CACNA1D: variants seen among roughly 807,000 people sequenced by gnomAD.
CACNA1D encodes the protein voltage-dependent L-type calcium channel subunit alpha-1D.
CACNA1D carries 55 observed loss-of-function variants against 257.1 expected under a neutral mutation model. The observed-to-expected ratio is 0.21, with a 90% CI of 0.17 to 0.27. The LOEUF is 0.27. Among genes scored for constraint, CACNA1D ranks in the 10% least tolerant of loss-of-function variants. The pLI is 1.00. For synonymous variants in CACNA1D, 980 were observed against 1,014.9 expected (o/e 0.97, Z 0.65); for missense variants, 1,876 against 2,784.0 (o/e 0.67, Z 7.34).
chr3:53,644,870 C>A (rs930629809), intron 3 of CACNA1D, among the ~76,000 whole-genome samples: 1 of 152,082 alleles, frequency 6.6e-6, no homozygotes, highest in African/African-American at 2.4e-5. Flanking sequence ...TATGGTAGTT[C>A]CACTCTTAAT....
At chr3:53,537,075 T>C (rs913153831) in intron 3 of CACNA1D, among the ~76,000 whole-genome samples, 2 of 152,222 alleles carry the variant, frequency 1.3e-5, no homozygotes, top group Non-Finnish European at 2.9e-5. Flanking sequence ...AAAATGCACA[T>C]GCTAATTTTA....
At chr3:53,555,460 G>GTTTTT (rs372133749) in intron 3 of CACNA1D, among the ~76,000 whole-genome samples, 12 of 78,372 alleles carry the variant, frequency 1.5e-4, no homozygotes, top group African/African-American at 3.9e-4. Flanking sequence ...GTGTGTGTGT[G>GTTTTT]TTTTTTTTTT....
Position 53,671,244 on chromosome 3 carries a change from A to G in CACNA1D, c.1117-1779A>G, listed in dbSNP as rs536300169. Among the ~76,000 whole-genome samples the G allele has an allele frequency of 9.8e-5, 15 of 152,326 alleles. No homozygotes were observed. In the South Asian group the frequency reaches 3.1e-3, roughly 32 times the overall value. ...ACTGAGGCCTGAAGGAGGGTTGGTG[A>G]AGCAGATGGCTCAGCAGATGACGGT... On this transcript the variant is annotated intron_variant, in intron 7 of 47. Transcript: ENST00000350061.
intron 11 of CACNA1D, among the ~76,000 whole-genome samples, chr3:53,720,964 G>C (rs565281646): frequency 6.6e-6 from 1 of 152,322 alleles, no homozygotes; most frequent in East Asian, 1.9e-4. Flanking sequence ...ATGAATGTTT[G>C]TACCAGTTTT....
At chr3:53,582,421 T>C (rs1033216602) in intron 3 of CACNA1D, among the ~76,000 whole-genome samples, 3 of 152,064 alleles carry the variant, frequency 2.0e-5, no homozygotes, top group African/African-American at 7.2e-5. Flanking sequence ...AGGCTGTGGA[T>C]CCTGGGTGGC....
chr3:53,666,206 A>T, intron 6 of CACNA1D, 133 bp from the exon 7 acceptor site: 1 of 835,838 alleles, frequency 1.2e-6, no homozygotes, highest in Non-Finnish European at 2.1e-6. Context: ...CTTGAAGGAC[A>T]AGCAGGATCC....
intron 8 of CACNA1D, among the ~76,000 whole-genome samples, chr3:53,690,162 A>G (rs1281157440): frequency 1.3e-5 from 2 of 152,152 alleles, no homozygotes; most frequent in African/African-American, 2.4e-5. Context: ...CTGTCTCCAG[A>G]GCCCAAGCTG....
chr3:53,785,003 T>C (rs967492968), intron 39 of CACNA1D, among the ~76,000 whole-genome samples: 2 of 152,084 alleles, frequency 1.3e-5, no homozygotes, highest in African/African-American at 4.8e-5. Flanking sequence ...GGTGAGCAGA[T>C]CCACCATGTC....
At chr3:53,662,773 A>G (rs1576275208) in intron 5 of CACNA1D, among the ~76,000 whole-genome samples, 1 of 152,364 alleles carries the variant, frequency 6.6e-6, no homozygotes, top group Non-Finnish European at 1.5e-5. Context: ...GTCGGATACA[A>G]CTTTATCATC....
At chr3:53,767,192 C>T (rs1269256809) in intron 30 of CACNA1D, among the ~76,000 whole-genome samples, 4 of 152,144 alleles carry the variant, frequency 2.6e-5, no homozygotes, top group Admixed American at 6.5e-5. Context: ...GTTAACTACT[C>T]GGGCCAGCTT....
chr3:53,589,098 A>C (rs2093264714), intron 3 of CACNA1D, among the ~76,000 whole-genome samples: 1 of 152,144 alleles, frequency 6.6e-6, no homozygotes, highest in Admixed American at 6.6e-5. Flanking sequence ...CTTCTCTTCC[A>C]ATGTATTTAA....
Position 53,495,746 on chromosome 3 carries a change from G to T in CACNA1D, c.67+513G>T, listed in dbSNP as rs1170659452. Among the ~76,000 whole-genome samples the T allele has an allele frequency of 6.6e-6, 1 of 152,222 alleles. No homozygotes were observed. Among genetic ancestry groups the T allele is most frequent in the African/African-American group, 2.4e-5 (1 of 41,460 alleles). ...ACCCATCCCCTCGCGGGGGAGGCCC[G>T]GCCTCGGTATCGGGGAAAGGGGTTC... is the stretch of plus-strand genomic sequence containing the variant. On this transcript the variant is annotated intron_variant, in intron 1 of 47. Coordinates refer to ENST00000350061, the MANE Select transcript of CACNA1D (RefSeq NM_001128840.3). This position sits in a 1 kb window ranked among gnomAD's most constrained non-coding sequence, Gnocchi z 5.1.
At chr3:53,503,449 C>T (rs964047856) in intron 3 of CACNA1D, among the ~76,000 whole-genome samples, 2 of 152,192 alleles carry the variant, frequency 1.3e-5, no homozygotes, top group African/African-American at 2.4e-5. Flanking sequence ...CCAAATTTAA[C>T]GACGTGGATG....
At chr3:53,624,397 A>T (rs1009917430) in intron 3 of CACNA1D, among the ~76,000 whole-genome samples, 11 of 152,248 alleles carry the variant, frequency 7.2e-5, no homozygotes, top group African/African-American at 2.2e-4. Flanking sequence ...GTCTTGCGTG[A>T]TAACGAAGAC....
At chr3:53,697,285 C>T (rs1576383980) in intron 8 of CACNA1D, among the ~76,000 whole-genome samples, 1 of 152,294 alleles carries the variant, frequency 6.6e-6, no homozygotes, top group East Asian at 1.9e-4. Flanking sequence ...GCTTTCTGTC[C>T]TATAGGGACA....
At chr3:53,740,139 G>A (rs2095101720) in intron 20 of CACNA1D, 141 bp from the exon 21 acceptor site, 2 of 756,418 alleles carry the variant, frequency 2.6e-6, no homozygotes, top group Non-Finnish European at 2.4e-6. Context: ...TTCACCCGTG[G>A]CTCTGCACTT....
At chr3:53,557,315 A>T (rs1289829576) in intron 3 of CACNA1D, among the ~76,000 whole-genome samples, 1 of 151,914 alleles carries the variant, frequency 6.6e-6, no homozygotes, top group Middle Eastern at 3.2e-3. Context: ...ACCAACATGG[A>T]GAAACCCCAT....
chr3:53,511,113 C>G (rs549161066), intron 3 of CACNA1D, among the ~76,000 whole-genome samples: 1 of 152,110 alleles, frequency 6.6e-6, no homozygotes, highest in Non-Finnish European at 1.5e-5. Flanking sequence ...CGGTATGTCT[C>G]TGATGTCCCG....
At chr3:53,592,204 A>T (rs1007323333) in intron 3 of CACNA1D, among the ~76,000 whole-genome samples, 20 of 152,214 alleles carry the variant, frequency 1.3e-4, no homozygotes, top group Admixed American at 1.2e-3. Flanking sequence ...CGATTCTAGC[A>T]GGGAAGACTT....
Sources: gnomAD v4.1 joint callset for allele counts (sites outside exome capture counted in the v4.1 genomes callset) on GRCh38, gnomAD v4.1.1 for gene constraint, Gnocchi (gnomAD v3.1) non-coding constraint, MANE v1.5 for transcripts, NCBI Gene and HGNC (gene_info 2026-07-23, HGNC 2026-07-21) for gene names.